Variants in SYNPR observed in about 807,000 individuals in gnomAD.
The protein encoded by SYNPR is synaptoporin.
In SYNPR, 23 loss-of-function variants were observed where a neutral mutation model predicts 32.9. That is an observed-to-expected ratio of 0.70 (90% CI 0.50 to 0.99). SYNPR has a LOEUF of 0.99. Ranked by LOEUF, SYNPR falls within the 50% of genes least tolerant of loss-of-function variation. The pLI, the probability that SYNPR is intolerant of heterozygous loss-of-function variation, is 0.00. For synonymous variants in SYNPR, 146 were observed against 135.9 expected, an observed-to-expected ratio of 1.07 and a Z score of -0.52; for missense variants, 318 against 349.3, an observed-to-expected ratio of 0.91 and a Z score of 0.71.
At chr3:63,495,504 T>C (rs1379683605) in intron 3 of SYNPR, among the ~76,000 whole-genome samples, 1 of 152,330 alleles carries the variant, frequency 6.6e-6, no homozygotes, top group Admixed American at 6.5e-5. Context: ...CAAGGTATGC[T>C]TGATTACCTT....
intron 2 of SYNPR, among the ~76,000 whole-genome samples, chr3:63,261,605 T>C (rs1217282188): frequency 1.5e-5 from 2 of 137,880 alleles, no homozygotes; most frequent in Non-Finnish European, 3.1e-5. Flanking sequence ...TTAGGAGATA[T>C]ACCTAATGTT....
At chr3:63,456,010 A>G (rs1700475254) in intron 2 of SYNPR, among the ~76,000 whole-genome samples, 1 of 152,112 alleles carries the variant, frequency 6.6e-6, no homozygotes, top group Non-Finnish European at 1.5e-5. Flanking sequence ...CAATCATGGC[A>G]GAAGGCAAGG....
Position 63,591,842 on chromosome 3 carries a change from G to A in SYNPR, c.409-17283G>A, listed in dbSNP as rs1699833714. 2.0e-5 allele frequency among the ~76,000 whole-genome samples: 3 copies of A among 147,120 alleles called. No homozygotes were observed. The South Asian group carries it at 6.8e-4, about 33-fold the overall frequency. On this transcript the variant is annotated intron_variant, in intron 4 of 5. Transcript: ENST00000478300. ...GAGGGGGGGAGGGATAGCATTGGGA[G>A]ATATACCTAATGCTAGATGACGCGT...
At chr3:63,309,406 C>T (rs1179507261) in intron 2 of SYNPR, among the ~76,000 whole-genome samples, 1 of 151,974 alleles carries the variant, frequency 6.6e-6, no homozygotes, top group African/African-American at 2.4e-5. Context: ...ATGCCAGATA[C>T]TTTGATTTTT....
intron 2 of SYNPR, among the ~76,000 whole-genome samples, chr3:63,359,635 G>C (rs1299491679): frequency 1.3e-5 from 2 of 152,088 alleles, no homozygotes; most frequent in African/African-American, 2.4e-5. Flanking sequence ...CAGACTTTTG[G>C]AGCTTTCTTG....
chr3:63,511,462 C>G (rs987524618), intron 3 of SYNPR, among the ~76,000 whole-genome samples: 3 of 152,158 alleles, frequency 2.0e-5, no homozygotes, highest in African/African-American at 7.2e-5. Context: ...CAAAAGGGAA[C>G]ACAGGCATTT....
chr3:63,575,475 C>A (rs934438380), intron 4 of SYNPR, among the ~76,000 whole-genome samples: 2 of 152,124 alleles, frequency 1.3e-5, no homozygotes, highest in African/African-American at 4.8e-5. Context: ...TGCTTAGGAA[C>A]CAATTAGAGA....
chr3:63,568,818 G>A (rs1488327993), intron 4 of SYNPR, among the ~76,000 whole-genome samples: 4 of 152,136 alleles, frequency 2.6e-5, no homozygotes, highest in Admixed American at 2.0e-4. Context: ...AGACTTTCCG[G>A]TTGTCAGTGG....
chr3:63,342,688 G>T (rs1032867775), intron 2 of SYNPR, among the ~76,000 whole-genome samples: 13 of 152,278 alleles, frequency 8.5e-5, no homozygotes, highest in South Asian at 8.3e-4. Flanking sequence ...ATGTAAAATT[G>T]ATGGTAATTA....
At chr3:63,487,108 T>C (rs1701170684) in intron 3 of SYNPR, among the ~76,000 whole-genome samples, 1 of 152,214 alleles carries the variant, frequency 6.6e-6, no homozygotes, top group Admixed American at 6.5e-5. Context: ...AAAGATTATG[T>C]CATAACCACT....
At chr3:63,536,385 T>C (rs1349715210) in intron 3 of SYNPR, among the ~76,000 whole-genome samples, 1 of 152,108 alleles carries the variant, frequency 6.6e-6, no homozygotes, top group African/African-American at 2.4e-5. Flanking sequence ...CATTACTCAT[T>C]AGGGAAATGC....
At position 63,510,740 on chromosome 3, in the gene SYNPR, T is replaced by C. The variant is rs149403726; in HGVS notation, c.209+29784T>C. ...TTGTAATAGAGTATGGGGTTTTTTG[T>C]GTGTTTTTTAAACCTGTGATCAGTA... On this transcript the variant is annotated intron_variant, in intron 3 of 5. Coordinates refer to ENST00000478300, the MANE Select transcript of SYNPR (RefSeq NM_001130003.2). Among the ~76,000 whole-genome samples, 32 of 152,296 alleles carry C rather than the reference T, an allele frequency of 2.1e-4. No homozygotes were observed. In the East Asian group the frequency reaches 5.8e-3, roughly 28 times the overall value.
At chr3:63,202,876 A>C in the SYNPR span, among the ~76,000 whole-genome samples, 5 of 151,954 alleles carry the variant, frequency 3.3e-5, no homozygotes, top group Non-Finnish European at 7.4e-5. Context: ...CAGACTTCTC[A>C]GAACTTGGGT....
At position 63,384,840 on chromosome 3, in the gene SYNPR, A is replaced by G. The variant is rs149504225; in HGVS notation, c.85-95992A>G. ...AAAAACTGGGATGTAGAGATGTTACATAACTTGTCCAAGGAAGCATAGCCA... is the reference window on the plus strand; with the variant it reads ...AAAAACTGGGATGTAGAGATGTTACGTAACTTGTCCAAGGAAGCATAGCCA... On this transcript the variant is annotated intron_variant, in intron 2 of 5. Coordinates refer to ENST00000478300, the MANE Select transcript of SYNPR (RefSeq NM_001130003.2). Among the ~76,000 whole-genome samples the G allele has an allele frequency of 3.9e-3, 593 of 152,338 alleles. 3 individuals carry two copies. The highest frequency in any genetic ancestry group is 0.013 in the African/African-American group (548 of 41,588).
chr3:63,527,136 A>G (rs777795890), intron 3 of SYNPR, among the ~76,000 whole-genome samples: 1 of 152,196 alleles, frequency 6.6e-6, no homozygotes, highest in Non-Finnish European at 1.5e-5. Context: ...ACTGAGGGAC[A>G]GCCAGAACAA....
At chr3:63,518,895 T>C (rs938724861) in intron 3 of SYNPR, among the ~76,000 whole-genome samples, 4 of 152,204 alleles carry the variant, frequency 2.6e-5, no homozygotes, top group Admixed American at 2.0e-4. Context: ...ATCACAGCAC[T>C]ATTCAAAATA....
At chr3:63,497,584 C>T (rs765645631) in intron 3 of SYNPR, among the ~76,000 whole-genome samples, 9 of 151,312 alleles carry the variant, frequency 5.9e-5, no homozygotes, top group Non-Finnish European at 8.8e-5. Flanking sequence ...TGTGAACCAC[C>T]ATCTTTGACA....
chr3:63,495,878 T>A (rs772928502), intron 3 of SYNPR, among the ~76,000 whole-genome samples: 28 of 152,270 alleles, frequency 1.8e-4, no homozygotes, highest in Non-Finnish European at 3.5e-4. Flanking sequence ...TAATGATGGA[T>A]ACATGTCCTT....
At chr3:63,526,955 G>T (rs1309610130) in intron 3 of SYNPR, among the ~76,000 whole-genome samples, 2 of 152,136 alleles carry the variant, frequency 1.3e-5, no homozygotes, top group Non-Finnish European at 2.9e-5. Context: ...ACAGCCATGG[G>T]CACCACGATA....
Sources: gnomAD v4.1 joint callset for allele counts (sites outside exome capture counted in the v4.1 genomes callset) on GRCh38, gnomAD v4.1.1 for gene constraint, MANE v1.5 for transcripts, NCBI Gene and HGNC (gene_info 2026-07-23, HGNC 2026-07-21) for gene names.